The following NLGN1 variants were observed in gnomAD, a reference collection of about 807,000 sequenced individuals.
NLGN1 encodes neuroligin-1.
Under a neutral mutation model 65.5 loss-of-function variants are expected in NLGN1, and 12 were observed. The ratio of observed to expected loss-of-function variants is 0.18; its 90% CI spans 0.12 to 0.30. The LOEUF is 0.30. Ranked by LOEUF, NLGN1 falls within the 10% of genes least tolerant of loss-of-function variation. The pLI, the probability that NLGN1 is intolerant of heterozygous loss-of-function variation, is 1.00. For synonymous variants in NLGN1, 350 were observed against 359.5 expected (o/e 0.97, Z 0.30); for missense variants, 750 against 1,007.1 (o/e 0.74, Z 3.46).
chr3:173,640,498 T>C (rs1757236344), intron 3 of NLGN1, among the ~76,000 whole-genome samples: 1 of 152,150 alleles, frequency 6.6e-6, no homozygotes. Context: ...AACAAAATAC[T>C]TCAATGCGTA....
At chr3:173,529,750 C>T (rs940415672) in intron 2 of NLGN1, among the ~76,000 whole-genome samples, 1 of 152,030 alleles carries the variant, frequency 6.6e-6, no homozygotes, top group African/African-American at 2.4e-5. Context: ...TTGTGGCTAA[C>T]CTGTTCGTCA....
At chr3:173,867,006 A>G (rs951751756) in intron 4 of NLGN1, among the ~76,000 whole-genome samples, 2 of 152,220 alleles carry the variant, frequency 1.3e-5, no homozygotes, top group Admixed American at 1.3e-4. Context: ...TGTATGGCTT[A>G]AAACAGCCAT....
At chr3:173,488,974 C>G (rs1728618405) in intron 2 of NLGN1, among the ~76,000 whole-genome samples, 1 of 151,192 alleles carries the variant, frequency 6.6e-6, no homozygotes, top group Admixed American at 6.6e-5. Flanking sequence ...GTTAAACTTT[C>G]ATTTCACTAA....
At chr3:173,972,856 A>G (rs1326262121) in intron 4 of NLGN1, among the ~76,000 whole-genome samples, 1 of 152,116 alleles carries the variant, frequency 6.6e-6, no homozygotes, top group Non-Finnish European at 1.5e-5. Context: ...CTTAAGTCTC[A>G]ACCAGACTTC....
At chr3:174,284,335 CAT>C (rs1452207805) in exon 7 of NLGN1, 1 of 151,252 alleles carries the variant, frequency 6.6e-6, no homozygotes, top group East Asian at 1.9e-4. Flanking sequence ...AAAGCTGAAA[CAT>C]AATCTTTATA....
exon 7 of NLGN1, chr3:174,282,496 C>T (rs1751649904): frequency 6.6e-6 from 1 of 152,160 alleles, no homozygotes; most frequent in South Asian, 2.1e-4. Flanking sequence ...GAGGTTCATT[C>T]ACTGGAATTT....
intron 3 of NLGN1, among the ~76,000 whole-genome samples, chr3:173,702,693 A>G (rs927274902): frequency 1.3e-5 from 2 of 152,188 alleles, no homozygotes; most frequent in African/African-American, 4.8e-5. Flanking sequence ...CTTTGGAAAC[A>G]TACTTGTGTA....
chr3:173,540,463 T>C (rs1738664640), intron 2 of NLGN1, among the ~76,000 whole-genome samples: 1 of 152,156 alleles, frequency 6.6e-6, no homozygotes, highest in South Asian at 2.1e-4. Context: ...TTTGTGGTCA[T>C]AGGAGGGGCC....
In NLGN1 at chr3:174,026,241, C is replaced by T. The variant is rs143464987; in HGVS notation, c.646+218409C>T. 2.4e-3 allele frequency among the ~76,000 whole-genome samples: 361 copies of T among 152,238 alleles called. 3 individuals are homozygous for T. Among genetic ancestry groups the T allele is most frequent in the African/African-American group, 8.1e-3 (338 of 41,546 alleles). On this transcript the variant is annotated intron_variant, in intron 4 of 6. Transcript: ENST00000457714. Reference sequence around the variant, plus strand: ...TCATGGGCTCAAGCGATCCTTCTCCCTCAGCCCCACAAGCAGCTGGGACTA... The same window carrying T: ...TCATGGGCTCAAGCGATCCTTCTCCTTCAGCCCCACAAGCAGCTGGGACTA...
chr3:173,520,703 A>C (rs1485843828), intron 2 of NLGN1, among the ~76,000 whole-genome samples: 1 of 152,350 alleles, frequency 6.6e-6, no homozygotes, highest in African/African-American at 2.4e-5. Flanking sequence ...GGAGACTAAA[A>C]ACTTAGTTTT....
intron 4 of NLGN1, among the ~76,000 whole-genome samples, chr3:174,092,706 T>C (rs1744755540): frequency 6.6e-6 from 1 of 152,130 alleles, no homozygotes; most frequent in African/African-American, 2.4e-5. Flanking sequence ...TGCTGCCATA[T>C]ATGCACTCCA....
intron 4 of NLGN1, among the ~76,000 whole-genome samples, chr3:173,837,869 G>A (rs1723957448): frequency 1.3e-5 from 2 of 152,180 alleles, no homozygotes; most frequent in South Asian, 4.1e-4. Flanking sequence ...GTTCTGGTGG[G>A]AACAGGTGGA....
At chr3:174,046,102 G>A (rs562777695) in intron 4 of NLGN1, among the ~76,000 whole-genome samples, 1 of 152,260 alleles carries the variant, frequency 6.6e-6, no homozygotes, top group African/African-American at 2.4e-5. Flanking sequence ...GAGATTTATT[G>A]CAAGTATATT....
At chr3:174,268,139 A>G (rs1748636268) in intron 4 of NLGN1, among the ~76,000 whole-genome samples, 1 of 152,198 alleles carries the variant, frequency 6.6e-6, no homozygotes, top group South Asian at 2.1e-4. Flanking sequence ...ATGTCTTTAA[A>G]TCACAAGACA....
intron 4 of NLGN1, among the ~76,000 whole-genome samples, chr3:173,950,678 T>G (rs1296979884): frequency 6.6e-6 from 1 of 151,502 alleles, no homozygotes; most frequent in South Asian, 2.1e-4. Context: ...CCGGGTGTGG[T>G]GGTGCACACC....
intron 2 of NLGN1, among the ~76,000 whole-genome samples, chr3:173,545,572 C>T (rs1429381653): frequency 2.6e-5 from 4 of 152,030 alleles, no homozygotes; most frequent in Admixed American, 2.6e-4. Context: ...GTAATGGCCC[C>T]ACCATCCATC....
chr3:174,006,266 A>G (rs1443048870), intron 4 of NLGN1, among the ~76,000 whole-genome samples: 1 of 152,196 alleles, frequency 6.6e-6, no homozygotes, highest in East Asian at 1.9e-4. Flanking sequence ...ATTCTTTTCC[A>G]AAGAAATCTC....
intron 2 of NLGN1, among the ~76,000 whole-genome samples, chr3:173,564,674 C>T (rs1743337139): frequency 6.6e-6 from 1 of 152,206 alleles, no homozygotes. Context: ...CCTTGAGTTA[C>T]TGTGAGAACC....
chr3:173,799,155 A>G (rs897191894), intron 3 of NLGN1, among the ~76,000 whole-genome samples: 1 of 151,932 alleles, frequency 6.6e-6, no homozygotes, highest in Non-Finnish European at 1.5e-5. Flanking sequence ...ATGCATGACA[A>G]AATTCTCTTG....
Sources: allele counts gnomAD v4.1 joint callset (sites outside exome capture counted in the v4.1 genomes callset), GRCh38; gene constraint gnomAD v4.1.1; transcripts MANE v1.5; gene names NCBI Gene and HGNC (gene_info 2026-07-23, HGNC 2026-07-21).